MIER3: variants seen among roughly 807,000 people sequenced by gnomAD.
MIER3 encodes the protein mesoderm induction early response protein 3.
In MIER3, 9 loss-of-function variants were observed where a neutral mutation model predicts 63.2. The observed-to-expected ratio is 0.14, with a 90% CI of 0.09 to 0.25. The LOEUF is 0.25. Among genes scored for constraint, MIER3 ranks in the 10% least tolerant of loss-of-function variants. The probability of loss-of-function intolerance (pLI) is 1.00; values close to 1 mark genes in which losing one functional copy is unlikely to be tolerated. For missense variants in MIER3, 512 were observed against 666.2 expected (o/e 0.77, Z 2.55); for synonymous variants, 205 against 224.9 (o/e 0.91, Z 0.79).
chr5:56,925,127 T>C (rs1490271403), intron 10 of MIER3, among the ~76,000 whole-genome samples: 2 of 152,184 alleles, frequency 1.3e-5, no homozygotes, highest in Non-Finnish European at 2.9e-5. Context: ...TTTTTTTTAC[T>C]TAAAAGGACA....
In MIER3 at chr5:56,922,975, C is replaced by T. The variant is rs1749744044; in HGVS notation, c.*153G>A. On this transcript the variant is annotated 3_prime_UTR_variant, in exon 13 of 13. Transcript: ENST00000381199. ...ATTTATGGATTGAAAAATGAAAATA[C>T]TCTTGATAAATCAAGATATAGTTCT... The T allele has an allele frequency of 4.7e-6, 3 of 642,302 alleles. No individual in the cohort carries two copies. Among genetic ancestry groups the T allele is most frequent in the Non-Finnish European group, 8.0e-6 (3 of 376,984 alleles). The allele number at this position is 642,302 out of a possible 1,614,324, so 39.8% of individuals were successfully genotyped here.
intron 4 of MIER3, chr5:56,938,423 C>G: frequency 2.1e-6 from 1 of 468,426 alleles, no homozygotes; most frequent in Non-Finnish European, 4.4e-6. Flanking sequence ...TAGGCCTCCC[C>G]ACAACCAGCC....
intron 3 of MIER3, among the ~76,000 whole-genome samples, chr5:56,943,498 C>A (rs1750722530): frequency 6.6e-6 from 1 of 152,002 alleles, no homozygotes; most frequent in Non-Finnish European, 1.5e-5. Flanking sequence ...TCAAGAAAAC[C>A]CCGCTTTTCT....
In MIER3 at chr5:56,923,605, TGTTTAAGTAAGTG is replaced by T; in HGVS notation, c.1196-33_1196-21del. ...TCAAAGCTAAAAAGGAATGGAAAAT[TGTTTAAGTAAGTG>T]GTCCTATGACATCAAACAGAGGACA... On this transcript the variant is annotated intron_variant, in intron 12 of 12. Coordinates refer to ENST00000381199, the MANE Select transcript of MIER3 (RefSeq NM_001297599.2). 1 of 1,611,346 alleles carries T rather than the reference TGTTTAAGTAAGTG, an allele frequency of 6.2e-7. No individual in the cohort carries two copies. Among genetic ancestry groups the T allele is most frequent in the Non-Finnish European group, 8.5e-7 (1 of 1,177,944 alleles).
intron 7 of MIER3, 33 bp downstream of exon 7, chr5:56,935,395 C>T: frequency 1.3e-6 from 2 of 1,510,446 alleles, no homozygotes; most frequent in Non-Finnish European, 1.8e-6. Context: ...ACCTTATCTA[C>T]CAAACATTAT....
In MIER3 at chr5:56,928,773, C is replaced by A; in HGVS notation, c.918G>T (p.Lys306Asn). The A allele has an allele frequency of 6.2e-7, 1 of 1,610,296 alleles. No homozygotes were observed. The highest frequency in any genetic ancestry group is 8.5e-7 in the Non-Finnish European group (1 of 1,177,238). Reference protein sequence around the residue: ...LFGKDFHLIQKNKVRTRTVAE... With the variant: ...LFGKDFHLIQNNKVRTRTVAE... ...ACTAATCTGCCTAATTTACCTTATT[C>A]TTCTGTATAAGATGAAAATCTTTTC... The change falls in exon 10 of 13, where the codon AAG becomes AAT. Residue 306 changes from lysine to asparagine, a missense_variant. Lys to Asn is a moderately conservative substitution (Grantham distance 94). Coordinates refer to ENST00000381199, the MANE Select transcript of MIER3 (RefSeq NM_001297599.2).
chr5:56,940,956 A>T, intron 3 of MIER3: 9 of 985,250 alleles, frequency 9.1e-6, no homozygotes, highest in Non-Finnish European at 1.1e-5. Context: ...AGAACCTCAC[A>T]GTTTCACACT....
intron 1 of MIER3, among the ~76,000 whole-genome samples, chr5:56,951,815 C>T (rs567993779): frequency 4.0e-5 from 6 of 151,530 alleles, no homozygotes; most frequent in Non-Finnish European, 8.9e-5. Context: ...GCAGGGCTCA[C>T]TGCAGCCGGC....
At chr5:56,950,587 C>T (rs1750985471) in intron 2 of MIER3, 41 bp downstream of exon 2, 5 of 1,609,284 alleles carry the variant, frequency 3.1e-6, no homozygotes, top group Admixed American at 1.7e-5. Flanking sequence ...GCCCACATTA[C>T]CCACTGGGAA....
chr5:56,947,600 A>T (rs1454341499), intron 2 of MIER3, among the ~76,000 whole-genome samples: 1 of 152,232 alleles, frequency 6.6e-6, no homozygotes, highest in African/African-American at 2.4e-5. Flanking sequence ...TCTGTGAAGC[A>T]GCTATACAGC....
chr5:56,935,451 C>T lies in MIER3; in HGVS notation c.572G>A (p.Gly191Glu), dbSNP rs774352236. Residue 191 changes from glycine to glutamate, a missense_variant, in exon 7 of 13, where the codon GGA (glycine) becomes GAA (glutamate). By Grantham distance (98) the Gly-to-Glu change is moderately conservative. Coordinates refer to ENST00000381199, the MANE Select transcript of MIER3 (RefSeq NM_001297599.2). ...QYQAEIPPYL[G>E]EYDGNEKVYE... is the part of the protein sequence containing the mutation. ...ACCTTTCTCATTACCATCGTACTCTCCAAGATAAGGGGGAATCTCTGCCTG... is the reference window on the plus strand; with the variant it reads ...ACCTTTCTCATTACCATCGTACTCTTCAAGATAAGGGGGAATCTCTGCCTG... The T allele has an allele frequency of 6.3e-7, 1 of 1,595,970 alleles. No homozygotes were observed. The highest frequency in any genetic ancestry group is 1.2e-5 in the South Asian group (1 of 85,792).
At chr5:56,928,639 AATG>A in intron 10 of MIER3, 125 bp downstream of exon 10, 1 of 597,196 alleles carries the variant, frequency 1.7e-6, no homozygotes, top group Non-Finnish European at 2.9e-6. Flanking sequence ...GTCATGTTAG[AATG>A]ATATCTGAAA....
chr5:56,935,901 C>A, intron 5 of MIER3, 150 bp from the exon 6 acceptor site: 1 of 641,778 alleles, frequency 1.6e-6, no homozygotes, highest in Non-Finnish European at 2.7e-6. Flanking sequence ...CGACATTGGT[C>A]AAAATGAGAC....
intron 10 of MIER3, among the ~76,000 whole-genome samples, chr5:56,926,535 G>C (rs1749991099): frequency 6.6e-6 from 1 of 151,960 alleles, no homozygotes; most frequent in South Asian, 2.1e-4. Context: ...AAACAAAAAA[G>C]AGATGGCATT....
chr5:56,930,568 T>TACA (rs1307041578), intron 9 of MIER3, 96 bp downstream of exon 9: 1 of 976,278 alleles, frequency 1.0e-6, no homozygotes, highest in African/African-American at 1.6e-5. Flanking sequence ...ACAAAAGTGT[T>TACA]ACAGGATTGC....
chr5:56,933,791 A>G (rs1750354536), intron 7 of MIER3, among the ~76,000 whole-genome samples: 1 of 152,182 alleles, frequency 6.6e-6, no homozygotes, highest in African/African-American at 2.4e-5. Context: ...AAATTGCTCT[A>G]TGAAATCTCT....
chr5:56,934,885 C>G (rs1252382555), intron 7 of MIER3, among the ~76,000 whole-genome samples: 1 of 152,150 alleles, frequency 6.6e-6, no homozygotes, highest in Non-Finnish European at 1.5e-5. Flanking sequence ...TACCTTATCC[C>G]CTCCATATTT....
At chr5:56,945,862 A>G (rs76797434) in intron 3 of MIER3, among the ~76,000 whole-genome samples, 12,358 of 152,300 alleles carry the variant, frequency 0.081, 528 homozygotes, top group East Asian at 0.14. Flanking sequence ...ATTTCAAGTG[A>G]TATAGAAATA....
chr5:56,937,746 A>T, intron 4 of MIER3, 48 bp from the exon 5 acceptor site: 2 of 1,469,062 alleles, frequency 1.4e-6, no homozygotes, highest in Middle Eastern at 1.8e-4. Context: ...ATTACATCTC[A>T]TTAATTAAGA....
Sources: gnomAD v4.1 joint callset for allele counts (sites outside exome capture counted in the v4.1 genomes callset) on GRCh38, gnomAD v4.1.1 for gene constraint, MANE v1.5 for transcripts, NCBI Gene and HGNC (gene_info 2026-07-23, HGNC 2026-07-21) for gene names.